Variants in BTBD9 observed in about 807,000 individuals in gnomAD.
The protein encoded by BTBD9 is BTB/POZ domain-containing protein 9.
A neutral mutation model predicts 64.3 loss-of-function variants in BTBD9; 49 were observed. The ratio of observed to expected loss-of-function variants is 0.76; its 90% CI spans 0.61 to 0.97. The LOEUF is 0.97. BTBD9 is among the 50% of genes least tolerant of loss of function. The pLI is 0.00. For missense variants in BTBD9, 598 were observed against 762.1 expected (o/e 0.78, Z 2.53); for synonymous variants, 260 against 274.7 (o/e 0.95, Z 0.53).
At chr6:38,627,624 GT>G (rs1778217137) in intron 1 of BTBD9, among the ~76,000 whole-genome samples, 1 of 152,122 alleles carries the variant, frequency 6.6e-6, no homozygotes, top group African/African-American at 2.4e-5. Context: ...TTTCAAAGAG[GT>G]GGAACTGGAT....
chr6:38,189,862 C>G (rs186802626), intron 10 of BTBD9, among the ~76,000 whole-genome samples: 6 of 151,798 alleles, frequency 4.0e-5, no homozygotes, highest in Non-Finnish European at 8.8e-5. Context: ...TTAGCACAGA[C>G]GGGGTTTTAC....
intron 6 of BTBD9, among the ~76,000 whole-genome samples, chr6:38,404,518 G>A (rs912152932): frequency 4.0e-5 from 6 of 150,972 alleles, no homozygotes; most frequent in African/African-American, 1.5e-4. Context: ...TCACACATTT[G>A]AAAAGTGAAA....
In BTBD9 at chr6:38,405,866, T is replaced by C. The variant is rs558671179; in HGVS notation, c.1155-60773A>G. On this transcript the variant is annotated intron_variant, in intron 6 of 10. Coordinates refer to ENST00000481247, the MANE Select transcript of BTBD9 (RefSeq NM_001099272.2). ...AACAATTCAGCACCTAGAATAATTC[T>C]CCATGTCAGCTGTGCACAACAGTTA... is the stretch of plus-strand genomic sequence containing the variant. Among the ~76,000 whole-genome samples, 3 of 152,322 alleles carry C rather than the reference T, an allele frequency of 2.0e-5. No homozygotes were observed. In the South Asian group the frequency reaches 6.2e-4, roughly 32 times the overall value.
At chr6:38,430,125 T>C (rs1330977961) in intron 6 of BTBD9, among the ~76,000 whole-genome samples, 2 of 152,078 alleles carry the variant, frequency 1.3e-5, no homozygotes, top group East Asian at 1.9e-4. Flanking sequence ...TTGTCACTGA[T>C]AGCAAATAAC....
intron 1 of BTBD9, among the ~76,000 whole-genome samples, chr6:38,611,251 A>G (rs932206304): frequency 8.5e-5 from 13 of 152,198 alleles, no homozygotes; most frequent in African/African-American, 3.1e-4. Flanking sequence ...AGTAACCTCC[A>G]GAGAGGGAAG....
At chr6:38,514,107 C>T (rs1772903706) in intron 6 of BTBD9, among the ~76,000 whole-genome samples, 1 of 152,206 alleles carries the variant, frequency 6.6e-6, no homozygotes. Flanking sequence ...ACTATTCAAC[C>T]AGTCTTCTGG....
intron 6 of BTBD9, among the ~76,000 whole-genome samples, chr6:38,407,610 G>A (rs1051246442): frequency 6.6e-6 from 1 of 152,176 alleles, no homozygotes; most frequent in Admixed American, 6.6e-5. Flanking sequence ...CTAGACTTCA[G>A]TTCTAACTTG....
At chr6:38,314,814 T>C (rs1466109962) in intron 7 of BTBD9, among the ~76,000 whole-genome samples, 1 of 152,160 alleles carries the variant, frequency 6.6e-6, no homozygotes, top group African/African-American at 2.4e-5. Context: ...ATTTCTGCAG[T>C]ATTGGTTGTA....
chr6:38,592,323 A>T (rs28360530), intron 4 of BTBD9, among the ~76,000 whole-genome samples: 13,199 of 152,210 alleles, frequency 0.087, 699 homozygotes, highest in Middle Eastern at 0.18. Context: ...CATTTCTGAC[A>T]TTCTGGGGAG....
chr6:38,513,381 G>C (rs1772861623), intron 6 of BTBD9, among the ~76,000 whole-genome samples: 1 of 151,954 alleles, frequency 6.6e-6, no homozygotes, highest in South Asian at 2.1e-4. Context: ...CTGGGAGGCA[G>C]AGGTTTCAGT....
At chr6:38,214,946 T>C (rs1021337953) in intron 9 of BTBD9, among the ~76,000 whole-genome samples, 1 of 152,164 alleles carries the variant, frequency 6.6e-6, no homozygotes, top group Non-Finnish European at 1.5e-5. Context: ...AAGTCAAAAA[T>C]TGCATTCAAC....
chr6:38,544,727 G>C (rs1035441562), intron 6 of BTBD9, among the ~76,000 whole-genome samples: 18 of 151,946 alleles, frequency 1.2e-4, no homozygotes, highest in East Asian at 9.7e-4. Flanking sequence ...AGGAGTTCGA[G>C]ACCAGGTTGG....
chr6:38,439,912 G>C (rs1021266287), intron 6 of BTBD9, among the ~76,000 whole-genome samples: 5 of 152,116 alleles, frequency 3.3e-5, no homozygotes, highest in Non-Finnish European at 7.4e-5. Context: ...GTCAAGAAGA[G>C]GGATATGACA....
At chr6:38,188,742 G>C (rs1761926556) in intron 10 of BTBD9, among the ~76,000 whole-genome samples, 1 of 152,202 alleles carries the variant, frequency 6.6e-6, no homozygotes, top group Non-Finnish European at 1.5e-5. Context: ...GGGTCTTTGG[G>C]AAATGATCAG....
chr6:38,595,912 A>G (rs1777013574), intron 2 of BTBD9: 2 of 985,254 alleles, frequency 2.0e-6, no homozygotes, highest in Non-Finnish European at 2.4e-6. Flanking sequence ...CCAATCCTGT[A>G]TGATCCATGG....
At chr6:38,219,984 T>A (rs1304581772) in intron 9 of BTBD9, among the ~76,000 whole-genome samples, 2 of 152,230 alleles carry the variant, frequency 1.3e-5, no homozygotes, top group Non-Finnish European at 2.9e-5. Context: ...TGTGTTGATG[T>A]GGCTTTCTGT....
chr6:38,282,732 G>C (rs4714138), intron 8 of BTBD9, among the ~76,000 whole-genome samples: 51,758 of 151,948 alleles, frequency 0.34, 9,816 homozygotes, highest in African/African-American at 0.5. Context: ...TGGCACTGCC[G>C]GTGATGCTCA....
At chr6:38,272,498 T>C (rs1387874361) in intron 8 of BTBD9, among the ~76,000 whole-genome samples, 3 of 152,160 alleles carry the variant, frequency 2.0e-5, no homozygotes, top group Non-Finnish European at 2.9e-5. Context: ...GAACTACTCA[T>C]TTAGACTCTT....
At chr6:38,479,258 C>G (rs1226427410) in intron 6 of BTBD9, among the ~76,000 whole-genome samples, 1 of 152,098 alleles carries the variant, frequency 6.6e-6, no homozygotes. Flanking sequence ...CAGCTCCTCT[C>G]CCGACGGCTT....
Sources: gnomAD v4.1 joint callset for allele counts (sites outside exome capture counted in the v4.1 genomes callset) on GRCh38, gnomAD v4.1.1 for gene constraint, MANE v1.5 for transcripts, NCBI Gene and HGNC (gene_info 2026-07-23, HGNC 2026-07-21) for gene names.